AXIN2: variants seen among roughly 807,000 people sequenced by gnomAD.
AXIN2 encodes the protein axin 2, also known as axin-2.
AXIN2 carries 21 observed loss-of-function variants against 74.7 expected under a neutral mutation model. The ratio of observed to expected loss-of-function variants is 0.28; its 90% CI spans 0.20 to 0.40. The LOEUF is 0.40. Among genes scored for constraint, AXIN2 ranks in the 10% least tolerant of loss-of-function variants. AXIN2 has a pLI of 1.00. For synonymous variants in AXIN2, 532 were observed against 454.9 expected, an observed-to-expected ratio of 1.17 and a Z score of -2.16; for missense variants, 1,144 against 1,111.1, an observed-to-expected ratio of 1.03 and a Z score of -0.42.
chr17:65,537,917 T>C, intron 5 of AXIN2, 82 bp from the exon 6 acceptor site: 1 of 1,472,250 alleles, frequency 6.8e-7, no homozygotes, highest in Non-Finnish European at 9.1e-7. Context: ...TTCGGCTCCC[T>C]ACGCAGGAGC....
rs780170507 is a variant in AXIN2 at position 65,536,599 on chromosome 17, G to A, written c.1908-46C>T. ...GAGAAAACAGAAGGAAAGAAACTGG[G>A]TTAGAAGAACTGGAAAATGTGACTT... is the stretch of plus-strand genomic sequence containing the variant. On this transcript the variant is annotated intron_variant, in intron 7 of 10. Coordinates refer to ENST00000307078, the MANE Select transcript of AXIN2 (RefSeq NM_004655.4). 8.1e-6 allele frequency: 13 copies of A among 1,601,034 alleles called. No individual in the cohort carries two copies. In the South Asian group the frequency reaches 1.2e-4, roughly 15 times the overall value.
At chr17:65,539,503 CTT>C (rs1025748223) in intron 4 of AXIN2, among the ~76,000 whole-genome samples, 2 of 152,206 alleles carry the variant, frequency 1.3e-5, no homozygotes, top group Admixed American at 6.5e-5. Flanking sequence ...GGCGATAGAA[CTT>C]TTCTTTGTTA....
chr17:65,545,705 G>C (rs970308809), intron 3 of AXIN2, among the ~76,000 whole-genome samples: 1 of 152,084 alleles, frequency 6.6e-6, no homozygotes, highest in Non-Finnish European at 1.5e-5. Context: ...AGAGTAACAG[G>C]CTCATAAAAC....
intron 10 of AXIN2, among the ~76,000 whole-genome samples, chr17:65,532,277 A>G (rs1392794672): frequency 6.6e-6 from 1 of 151,976 alleles, no homozygotes; most frequent in African/African-American, 2.4e-5. Context: ...TTTCCCCACA[A>G]GCCTATGCCA....
chr17:65,541,569 G>A lies in AXIN2; in HGVS notation c.957-12C>T. Reference sequence around the variant, plus strand: ...GAGGAATTCCATCTCTAAGGGAAAGGAAAAGACAGAATCCACAGGCTTACG... The same window carrying A: ...GAGGAATTCCATCTCTAAGGGAAAGAAAAAGACAGAATCCACAGGCTTACG... On this transcript the variant is annotated splice_polypyrimidine_tract_variant and intron_variant, in intron 3 of 10. Transcript: ENST00000307078. 6.2e-7 allele frequency: 1 copy of A among 1,603,606 alleles called. No individual in the cohort carries two copies. Among genetic ancestry groups the A allele is most frequent in the East Asian group, 2.2e-5 (1 of 44,820 alleles).
At chr17:65,530,386 G>C (rs4074948) in intron 10 of AXIN2, among the ~76,000 whole-genome samples, 1 of 152,236 alleles carries the variant, frequency 6.6e-6, no homozygotes, top group South Asian at 2.1e-4. Flanking sequence ...CTCCTGACAC[G>C]TATACACTGT....
intron 1 of AXIN2, 94 bp from the exon 2 acceptor site, chr17:65,558,830 AC>A: frequency 1.7e-6 from 1 of 603,708 alleles, no homozygotes. Context: ...AAGAAAGTAA[AC>A]AGGCTTTTCA....
intron 2 of AXIN2, among the ~76,000 whole-genome samples, chr17:65,554,594 T>C (rs1302808444): frequency 6.6e-6 from 1 of 152,236 alleles, no homozygotes; most frequent in East Asian, 1.9e-4. Context: ...TTTTCTTTGA[T>C]AATTGAAGCC....
chr17:65,561,396 AAG>A (rs2044373604), intron 1 of AXIN2, 52 bp downstream of exon 1: 1 of 140,900 alleles, frequency 7.1e-6, no homozygotes, highest in Non-Finnish European at 1.5e-5. Flanking sequence ...CGCCCCCTGT[AAG>A]AGGGGGGCTT....
chr17:65,537,946 G>A (rs1464261472), intron 5 of AXIN2, 111 bp from the exon 6 acceptor site: 14 of 1,422,732 alleles, frequency 9.8e-6, no homozygotes, highest in South Asian at 8.2e-5. Flanking sequence ...CCGTGTGCAC[G>A]CCCACAGCCA....
rs2043937443 is a variant in AXIN2, at chr17:65,537,061, C to T, written c.1715G>A (p.Gly572Asp). Residue 572 changes from glycine to aspartate, a missense_variant and splice_region_variant, in exon 7 of 11, where the codon GGC (glycine) becomes GAC (aspartate). Coordinates refer to ENST00000307078, the MANE Select transcript of AXIN2 (RefSeq NM_004655.4). ...PETMPSEQFG[G>D]SRGSTLPKRN... ...TTTGGGCAAGGTACTGCCTCTGCTG[C>T]CGCTGTGGGGAACCAAGAACCACAC... The T allele has an allele frequency of 6.2e-7, 1 of 1,603,350 alleles. No homozygotes were observed. Among genetic ancestry groups the T allele is most frequent in the Non-Finnish European group, 8.5e-7 (1 of 1,178,984 alleles).
chr17:65,552,563 A>G (rs11079571), intron 2 of AXIN2, among the ~76,000 whole-genome samples: 115,758 of 152,080 alleles, frequency 0.76, 44,732 homozygotes, highest in Non-Finnish European at 0.82. Flanking sequence ...TGCAGTGCTC[A>G]CTGCTGGGCT....
Position 65,538,104 on chromosome 17 carries a change from G to T in AXIN2, c.1200+99C>A, listed in dbSNP as rs1422017403. ...CCACGCGCATGCGCATGCAACCCACGCACATGCGCACACCCTAACGCACCC... is the reference window on the plus strand; with the variant it reads ...CCACGCGCATGCGCATGCAACCCACTCACATGCGCACACCCTAACGCACCC... On this transcript the variant is annotated intron_variant, in intron 5 of 10. Coordinates refer to ENST00000307078, the MANE Select transcript of AXIN2 (RefSeq NM_004655.4). 1.0e-5 allele frequency: 16 copies of T among 1,583,584 alleles called. No individual in the cohort carries two copies. In the South Asian group the frequency reaches 1.1e-4, roughly 11 times the overall value.
intron 3 of AXIN2, 55 bp downstream of exon 3, chr17:65,549,465 C>A (rs1036931095): frequency 1.2e-6 from 2 of 1,607,226 alleles, no homozygotes; most frequent in African/African-American, 1.3e-5. Flanking sequence ...TGGCTAAGTG[C>A]TCAGGTGGCA....
chr17:65,548,199 TATTAAAATTC>T (rs760370245), intron 3 of AXIN2, among the ~76,000 whole-genome samples: 3 of 152,234 alleles, frequency 2.0e-5, no homozygotes, highest in Non-Finnish European at 1.5e-5. Context: ...ATGCTATTTT[TATTAAAATTC>T]AAACTTTCAC....
In AXIN2 at chr17:65,558,684, G is replaced by T; in HGVS notation, c.-64C>A. 6.6e-7 allele frequency: 1 copy of T among 1,513,002 alleles called. No homozygotes were observed. The highest frequency in any genetic ancestry group is 8.9e-7 in the Non-Finnish European group (1 of 1,119,052). 93.7% of individuals were successfully genotyped at this position (1,513,002 alleles called of 1,614,324 possible). A position where few individuals can be genotyped will look rare whatever the true frequency, so the allele number is the denominator to read the frequency against. On this transcript the variant is annotated 5_prime_UTR_variant, in exon 2 of 11. Coordinates refer to ENST00000307078, the MANE Select transcript of AXIN2 (RefSeq NM_004655.4). ...TTCTTCCAGTTCCTCTCAGCAATCG[G>T]CGTGGTCTCTCTGTCTCTCTCAAGT...
chr17:65,552,038 GA>G (rs1268869863), intron 2 of AXIN2, among the ~76,000 whole-genome samples: 1 of 13,810 alleles, frequency 7.2e-5, no homozygotes, highest in Non-Finnish European at 2.1e-4. Context: ...GACCTCCTGG[GA>G]TTTTTTTGGT....
At chr17:65,560,228 C>T (rs912756596) in intron 1 of AXIN2, 3 of 152,290 alleles carry the variant, frequency 2.0e-5, no homozygotes, top group Non-Finnish European at 2.9e-5. Context: ...CAAAAGGGGC[C>T]GGGGCGGCCA....
intron 2 of AXIN2, among the ~76,000 whole-genome samples, chr17:65,552,481 T>C (rs34091907): frequency 1.0e-3 from 158 of 152,114 alleles, no homozygotes; most frequent in Non-Finnish European, 1.8e-3. Context: ...AGGAATCCAG[T>C]GATGAGGCCA....
Sources: gnomAD v4.1 joint callset for allele counts (sites outside exome capture counted in the v4.1 genomes callset) on GRCh38, gnomAD v4.1.1 for gene constraint, MANE v1.5 for transcripts, NCBI Gene and HGNC (gene_info 2026-07-23, HGNC 2026-07-21) for gene names.